Variants in ANKIB1 observed in about 807,000 individuals in gnomAD.
The protein encoded by ANKIB1 is ankyrin repeat and IBR domain containing 1, also known as ankyrin repeat and IBR domain-containing protein 1.
In ANKIB1, 43 loss-of-function variants were observed where a neutral mutation model predicts 122.1. That is an observed-to-expected ratio of 0.35 (90% CI 0.28 to 0.45). ANKIB1 has a LOEUF of 0.45. Among genes scored for constraint, ANKIB1 ranks in the 20% least tolerant of loss-of-function variants. The probability of loss-of-function intolerance (pLI) is 1.00; values close to 1 mark genes in which losing one functional copy is unlikely to be tolerated. For missense variants in ANKIB1, 992 were observed against 1,329.5 expected (o/e 0.75, Z 3.95); for synonymous variants, 390 against 442.0 (o/e 0.88, Z 1.48).
At chr7:92,319,158 C>G (rs1469986815) in intron 3 of ANKIB1, among the ~76,000 whole-genome samples, 172 bp from the exon 4 acceptor site, 1 of 151,622 alleles carries the variant, frequency 6.6e-6, no homozygotes, top group African/African-American at 2.4e-5. Context: ...ATCTTAAAAT[C>G]AGAAGCCACT....
chr7:92,381,213 C>G (rs866309616), intron 11 of ANKIB1, among the ~76,000 whole-genome samples: 1 of 152,050 alleles, frequency 6.6e-6, no homozygotes, highest in African/African-American at 2.4e-5. Context: ...AAGAAATGAA[C>G]GAAGCCTCCA....
chr7:92,305,417 G>A (rs1322204576), intron 2 of ANKIB1, among the ~76,000 whole-genome samples: 3 of 152,218 alleles, frequency 2.0e-5, no homozygotes, highest in Non-Finnish European at 4.4e-5. Flanking sequence ...ATTATGGCAT[G>A]AATTTGCTGT....
intron 5 of ANKIB1, among the ~76,000 whole-genome samples, chr7:92,330,934 A>G (rs1233342192): frequency 6.6e-6 from 1 of 152,188 alleles, no homozygotes; most frequent in Non-Finnish European, 1.5e-5. Flanking sequence ...ACAGAAACAC[A>G]AAATACTTTA....
chr7:92,389,016 C>G (rs867571175), intron 14 of ANKIB1, among the ~76,000 whole-genome samples: 1 of 152,292 alleles, frequency 6.6e-6, no homozygotes, highest in Middle Eastern at 3.4e-3. Flanking sequence ...TGTCTGGTCA[C>G]TAATACATCC....
At chr7:92,396,162 T>A in intron 17 of ANKIB1, 1 of 552,138 alleles carries the variant, frequency 1.8e-6, no homozygotes, top group African/African-American at 1.9e-5. Flanking sequence ...TAGGCAATTG[T>A]AATGACTGTT....
chr7:92,246,496 T>C lies in ANKIB1; in HGVS notation c.-114T>C. Reference sequence around the variant, plus strand: ...GCGGAGTTGCTGGGTCCACCGACCCTTACCCTCAGCGAGAGAAGTAACCGT... The same window carrying C: ...GCGGAGTTGCTGGGTCCACCGACCCCTACCCTCAGCGAGAGAAGTAACCGT... On this transcript the variant is annotated 5_prime_UTR_variant, in exon 1 of 20. Coordinates refer to ENST00000265742, the MANE Select transcript of ANKIB1 (RefSeq NM_019004.2). 1.9e-6 allele frequency: 1 copy of C among 518,520 alleles called. No individual in the cohort carries two copies. Among genetic ancestry groups the C allele is most frequent in the Non-Finnish European group, 3.8e-6 (1 of 259,822 alleles). 32.1% of individuals were successfully genotyped at this position (518,520 alleles called of 1,614,324 possible).
At chr7:92,288,877 C>T (rs564993956) in intron 1 of ANKIB1, among the ~76,000 whole-genome samples, 22 of 152,172 alleles carry the variant, frequency 1.4e-4, no homozygotes, top group African/African-American at 5.3e-4. Context: ...TAACTAGAAA[C>T]TGACAATTCC....
At chr7:92,362,063 GGCC>G in intron 9 of ANKIB1, 119 bp from the exon 10 acceptor site, 4 of 770,238 alleles carry the variant, frequency 5.2e-6, no homozygotes, top group Non-Finnish European at 8.3e-6. Context: ...CACCCGCCTT[GGCC>G]TCCCAAAGTG....
chr7:92,344,193 GTTTTTTTTTTTTT>G lies in ANKIB1; in HGVS notation c.997-769_997-757del, dbSNP rs67933063. On this transcript the variant is annotated intron_variant, in intron 6 of 19. Coordinates refer to ENST00000265742, the MANE Select transcript of ANKIB1 (RefSeq NM_019004.2). ...TTTTTGTTGTTGTTTTGTGTTTTTG[GTTTTTTTTTTTTT>G]TTTTTTTTTTTTTTTGAGACGGAGT... Among the ~76,000 whole-genome samples the G allele has an allele frequency of 5.3e-4, 52 of 97,674 alleles. 1 individual carries two copies. Among genetic ancestry groups the G allele is most frequent in the African/African-American group, 1.0e-3 (24 of 23,762 alleles). The allele number at this position is 97,674 out of a possible 152,430, so 64.1% of individuals were successfully genotyped here. A position where few individuals can be genotyped will look rare whatever the true frequency, so the allele number is the denominator to read the frequency against.
intron 19 of ANKIB1, 111 bp downstream of exon 19, chr7:92,397,970 C>A (rs1804936043): frequency 7.8e-6 from 11 of 1,417,826 alleles, no homozygotes; most frequent in East Asian, 2.5e-5. Context: ...ATTCTAAAAT[C>A]TTTGTTTTAA....
intron 4 of ANKIB1, among the ~76,000 whole-genome samples, chr7:92,324,944 AAC>A (rs1035468574): frequency 3.9e-5 from 6 of 152,242 alleles, no homozygotes; most frequent in Non-Finnish European, 5.9e-5. Context: ...GGGAGAGAGA[AAC>A]ACACAAATAA....
intron 2 of ANKIB1, among the ~76,000 whole-genome samples, chr7:92,295,701 A>G (rs902368833): frequency 2.0e-5 from 3 of 152,192 alleles, no homozygotes; most frequent in Admixed American, 2.0e-4. Flanking sequence ...CAGTTACTTG[A>G]AAAGATGTTT....
At position 92,398,980 on chromosome 7, in the gene ANKIB1, C is replaced by G. The variant is rs770827467; in HGVS notation, c.*31C>G. The G allele has an allele frequency of 4.6e-6, 7 of 1,518,046 alleles. No homozygotes were observed. Among genetic ancestry groups the G allele is most frequent in the Non-Finnish European group, 5.3e-6 (6 of 1,133,802 alleles). The allele number at this position is 1,518,046 out of a possible 1,614,324, so 94.0% of individuals were successfully genotyped here. On this transcript the variant is annotated 3_prime_UTR_variant, in exon 20 of 20. Transcript: ENST00000265742. ...ACACATCTGGGCTCTAAATGAATTA[C>G]AGGTACAGATGGTATGCTAGGTGGA... is the stretch of plus-strand genomic sequence containing the variant.
intron 4 of ANKIB1, among the ~76,000 whole-genome samples, chr7:92,327,251 A>G (rs1562783006): frequency 6.6e-6 from 1 of 152,252 alleles, no homozygotes; most frequent in Non-Finnish European, 1.5e-5. Flanking sequence ...GCTTTGCAGC[A>G]TGAAAGAGAC....
In ANKIB1 at chr7:92,353,959, T is replaced by TA. The variant is rs574055957; in HGVS notation, c.1397+1322dup. On this transcript the variant is annotated intron_variant, in intron 9 of 19. Coordinates refer to ENST00000265742, the MANE Select transcript of ANKIB1 (RefSeq NM_019004.2). Reference sequence around the variant, plus strand: ...ATAAATTAGGAAAATGTCTAAAAGATAAAAAGATTAGCTTTTGCAGAGATC... The same window carrying TA: ...ATAAATTAGGAAAATGTCTAAAAGATAAAAAAGATTAGCTTTTGCAGAGATC... Among the ~76,000 whole-genome samples the TA allele has an allele frequency of 1.2e-3, 179 of 152,314 alleles. 1 individual carries two copies. Among genetic ancestry groups the TA allele is most frequent in the African/African-American group, 4.1e-3 (169 of 41,584 alleles).
chr7:92,338,619 C>T (rs896852191), intron 5 of ANKIB1, among the ~76,000 whole-genome samples: 3 of 151,398 alleles, frequency 2.0e-5, no homozygotes, highest in Non-Finnish European at 2.9e-5. Context: ...TTAAAAATAT[C>T]TATGTGACTT....
chr7:92,328,400 C>G (rs919963257), intron 5 of ANKIB1, among the ~76,000 whole-genome samples: 2 of 152,096 alleles, frequency 1.3e-5, no homozygotes, highest in Non-Finnish European at 2.9e-5. Context: ...AATATATTGT[C>G]CCTTTTAAGG....
At chr7:92,256,979 C>T (rs1163739765) in intron 1 of ANKIB1, among the ~76,000 whole-genome samples, 1 of 152,040 alleles carries the variant, frequency 6.6e-6, no homozygotes, top group African/African-American at 2.4e-5. Context: ...CACCTGAGGT[C>T]AAGAGTTCGA....
chr7:92,341,620 GGAGA>G (rs1158609307), intron 5 of ANKIB1, among the ~76,000 whole-genome samples: 1 of 152,142 alleles, frequency 6.6e-6, no homozygotes, highest in African/African-American at 2.4e-5. Context: ...AAGTTTACTT[GGAGA>G]GATTTTCCAG....
Sources: allele counts gnomAD v4.1 joint callset (sites outside exome capture counted in the v4.1 genomes callset), GRCh38; gene constraint gnomAD v4.1.1; transcripts MANE v1.5; gene names NCBI Gene and HGNC (gene_info 2026-07-23, HGNC 2026-07-21).